DNAH14: variants seen among roughly 807,000 people sequenced by gnomAD.
DNAH14 encodes the protein axonemal beta dynein heavy chain 14.
In DNAH14, 478 loss-of-function variants were observed where a neutral mutation model predicts 520.9. The observed-to-expected ratio is 0.92, with a 90% CI of 0.85 to 0.99. DNAH14 has a LOEUF of 0.99. Among genes scored for constraint, DNAH14 ranks in the 50% least tolerant of loss-of-function variants. The pLI is 0.00. For synonymous variants in DNAH14, 1,581 were observed against 1,757.2 expected (o/e 0.90, Z 2.51); for missense variants, 4,831 against 5,234.5 (o/e 0.92, Z 2.38).
chr1:225,053,070 C>T (rs1444652525), intron 17 of DNAH14, among the ~76,000 whole-genome samples: 2 of 152,046 alleles, frequency 1.3e-5, no homozygotes, highest in Non-Finnish European at 2.9e-5. Context: ...AGGGGTACCC[C>T]CACACTTTTG....
At chr1:225,079,150 A>G (rs2072799791) in intron 17 of DNAH14, 57 bp from the exon 18 acceptor site, 1 of 1,396,318 alleles carries the variant, frequency 7.2e-7, no homozygotes, top group Admixed American at 2.7e-5. Context: ...AAGAGTAATT[A>G]GTCTTCCAAA....
At chr1:225,353,386 A>G (rs1250184876) in intron 72 of DNAH14, among the ~76,000 whole-genome samples, 1 of 152,136 alleles carries the variant, frequency 6.6e-6, no homozygotes, top group Non-Finnish European at 1.5e-5. Flanking sequence ...CTCATTTCCC[A>G]TATCGTTATA....
At chr1:224,985,822 G>T (rs1006868851) in intron 8 of DNAH14, among the ~76,000 whole-genome samples, 8 of 151,762 alleles carry the variant, frequency 5.3e-5, no homozygotes, top group Non-Finnish European at 8.8e-5. Context: ...GAAAGAATTG[G>T]TGAGCTTGAA....
chr1:225,201,898 G>A (rs1374029042), intron 38 of DNAH14, among the ~76,000 whole-genome samples: 24 of 125,182 alleles, frequency 1.9e-4, no homozygotes, highest in African/African-American at 6.2e-4. Context: ...TTTTTGAGAC[G>A]AAGTCTTCCT....
In DNAH14 at chr1:225,303,353, T is replaced by A; in HGVS notation, c.8823+6T>A. On this transcript the variant is annotated splice_donor_region_variant and intron_variant, in intron 57 of 85. Coordinates refer to ENST00000682510, the MANE Select transcript of DNAH14 (RefSeq NM_001367479.1). The stretch of plus-strand genomic sequence containing the variant: ...TCAATTTTGAGAACAGAGAGGTAAA[T>A]ATCTAATGCAAGTGAAGGTTTCAGT... The A allele has an allele frequency of 6.5e-7, 1 of 1,543,278 alleles. No homozygotes were observed. Among genetic ancestry groups the A allele is most frequent in the Non-Finnish European group, 8.7e-7 (1 of 1,143,984 alleles).
chr1:225,110,135 T>A (rs1351536429), intron 23 of DNAH14, among the ~76,000 whole-genome samples: 1 of 152,178 alleles, frequency 6.6e-6, no homozygotes, highest in Non-Finnish European at 1.5e-5. Context: ...GATATGGGCC[T>A]GTAGTTTTCT....
intron 42 of DNAH14, among the ~76,000 whole-genome samples, chr1:225,235,701 T>C (rs1254097050): frequency 6.6e-6 from 1 of 152,190 alleles, no homozygotes; most frequent in Non-Finnish European, 1.5e-5. Flanking sequence ...TATTTATTAA[T>C]GCCTCGATTT....
In DNAH14 at chr1:225,311,489, A is replaced by T. The variant is rs570438113; in HGVS notation, c.9240+3079A>T. Among the ~76,000 whole-genome samples, 8 of 152,208 alleles carry T rather than the reference A, an allele frequency of 5.3e-5. No homozygotes were observed. In the South Asian group the frequency reaches 1.7e-3, roughly 32 times the overall value. On this transcript the variant is annotated intron_variant, in intron 60 of 85. Transcript: ENST00000682510. The stretch of plus-strand genomic sequence containing the variant: ...TTTGTCAATTTTGGCTTTTGTTGCA[A>T]TTGCTTTTGGTGTTTTAGTCATGAA...
intron 31 of DNAH14, among the ~76,000 whole-genome samples, chr1:225,148,357 G>T: frequency 7.2e-6 from 1 of 139,860 alleles, no homozygotes; most frequent in African/African-American, 2.7e-5. Flanking sequence ...TCTCATTGTG[G>T]TTTTGATTTG....
At chr1:225,081,108 A>T (rs1332117683) in intron 19 of DNAH14, among the ~76,000 whole-genome samples, 1 of 152,206 alleles carries the variant, frequency 6.6e-6, no homozygotes, top group African/African-American at 2.4e-5. Context: ...GTGGGTAAAC[A>T]GCTTAAAGAG....
chr1:225,024,334 C>G (rs1292445402), intron 11 of DNAH14: 1 of 885,720 alleles, frequency 1.1e-6, no homozygotes, highest in Non-Finnish European at 1.4e-6. Context: ...GAATATTTTC[C>G]CAATGAAAAA....
chr1:224,949,013 A>T (rs2060009718), intron 1 of DNAH14, among the ~76,000 whole-genome samples: 1 of 152,038 alleles, frequency 6.6e-6, no homozygotes, highest in South Asian at 2.1e-4. Context: ...TTCACTTGGG[A>T]TCATAGTACT....
intron 8 of DNAH14, among the ~76,000 whole-genome samples, chr1:224,975,936 C>T (rs572821974): frequency 0.022 from 3,320 of 151,910 alleles, 99 homozygotes; most frequent in African/African-American, 0.07. Flanking sequence ...TCTTTGTTCT[C>T]GTTGGTTTCA....
intron 27 of DNAH14, among the ~76,000 whole-genome samples, chr1:225,131,239 C>G (rs1165687630): frequency 3.9e-5 from 6 of 152,072 alleles, no homozygotes; most frequent in African/African-American, 1.4e-4. Flanking sequence ...AAACTTGGTG[C>G]CTTAAAACAA....
chr1:225,076,918 A>G (rs1169540013), intron 17 of DNAH14, among the ~76,000 whole-genome samples: 1 of 151,832 alleles, frequency 6.6e-6, no homozygotes, highest in Admixed American at 6.6e-5. Flanking sequence ...TACATTAAGT[A>G]TTTCTCCTAA....
chr1:225,018,383 G>A (rs560250481), intron 10 of DNAH14, among the ~76,000 whole-genome samples: 7 of 152,274 alleles, frequency 4.6e-5, no homozygotes, highest in Middle Eastern at 3.4e-3. Context: ...TGAGAAATAC[G>A]GGATTCTGTA....
chr1:225,011,233 T>C (rs1409481926), intron 10 of DNAH14, among the ~76,000 whole-genome samples: 1 of 152,222 alleles, frequency 6.6e-6, no homozygotes, highest in Non-Finnish European at 1.5e-5. Flanking sequence ...CCTGTGGGCA[T>C]TTATTGCTAT....
intron 41 of DNAH14, among the ~76,000 whole-genome samples, chr1:225,209,692 T>G (rs2088085694): frequency 6.6e-6 from 1 of 152,134 alleles, no homozygotes; most frequent in African/African-American, 2.4e-5. Flanking sequence ...TTTTAAAGTG[T>G]TTTATATTTA....
intron 60 of DNAH14, among the ~76,000 whole-genome samples, chr1:225,315,317 T>C (rs769281316): frequency 6.6e-6 from 1 of 151,894 alleles, no homozygotes; most frequent in Non-Finnish European, 1.5e-5. Context: ...TCTAAACTAG[T>C]TATTCTAGTT....
Sources: allele counts gnomAD v4.1 joint callset (sites outside exome capture counted in the v4.1 genomes callset), GRCh38; gene constraint gnomAD v4.1.1; transcripts MANE v1.5; gene names NCBI Gene and HGNC (gene_info 2026-07-23, HGNC 2026-07-21).